Variants in UGCG observed in about 807,000 individuals in gnomAD.
The protein encoded by UGCG is ceramide glucosyltransferase.
A neutral mutation model predicts 49.5 loss-of-function variants in UGCG; 10 were observed. That is an observed-to-expected ratio of 0.20 (90% confidence interval 0.12 to 0.34). UGCG has a LOEUF of 0.34. Among genes scored for constraint, UGCG ranks in the 10% least tolerant of loss-of-function variants. The pLI, the probability that UGCG is intolerant of heterozygous loss-of-function variation, is 1.00. For missense variants in UGCG, 312 were observed against 483.7 expected (o/e 0.65, Z 3.33); for synonymous variants, 182 against 158.2 (o/e 1.15, Z -1.13).
chr9:111,918,115 C>G (rs1245257964), intron 2 of UGCG, among the ~76,000 whole-genome samples: 1 of 152,026 alleles, frequency 6.6e-6, no homozygotes, highest in Non-Finnish European at 1.5e-5. Context: ...AATCTCGGCT[C>G]ACTGCCACTT....
intron 2 of UGCG, among the ~76,000 whole-genome samples, chr9:111,916,574 G>T (rs761362165): frequency 2.0e-5 from 3 of 151,980 alleles, no homozygotes; most frequent in Non-Finnish European, 4.4e-5. Flanking sequence ...GGCTCAACCA[G>T]TCCTCCCACC....
At chr9:111,908,808 G>C (rs938336735) in intron 1 of UGCG, among the ~76,000 whole-genome samples, 1 of 152,148 alleles carries the variant, frequency 6.6e-6, no homozygotes, top group African/African-American at 2.4e-5. Context: ...GACACTAAAA[G>C]AAAAACTAGT....
At chr9:111,916,992 A>C (rs1374659450) in intron 2 of UGCG, among the ~76,000 whole-genome samples, 3 of 151,954 alleles carry the variant, frequency 2.0e-5, no homozygotes, top group African/African-American at 4.8e-5. Context: ...AAAAAATAAA[A>C]ATTAAAAAAT....
At chr9:111,907,474 A>G (rs961688010) in intron 1 of UGCG, among the ~76,000 whole-genome samples, 6 of 152,166 alleles carry the variant, frequency 3.9e-5, no homozygotes, top group African/African-American at 1.2e-4. Flanking sequence ...GTTTTAATTT[A>G]TTGATATTTC....
chr9:111,927,495 A>T (rs1838338092), intron 5 of UGCG, among the ~76,000 whole-genome samples: 1 of 151,314 alleles, frequency 6.6e-6, no homozygotes, highest in Non-Finnish European at 1.5e-5. Flanking sequence ...TCTGTCGCCC[A>T]GGCTGGAGTG....
chr9:111,908,925 A>T (rs1399197844), intron 1 of UGCG, among the ~76,000 whole-genome samples: 1 of 152,156 alleles, frequency 6.6e-6, no homozygotes, highest in Non-Finnish European at 1.5e-5. Flanking sequence ...GCAATTGATC[A>T]CAGTGCCCTC....
At chr9:111,906,360 T>A (rs1837882714) in intron 1 of UGCG, among the ~76,000 whole-genome samples, 1 of 152,170 alleles carries the variant, frequency 6.6e-6, no homozygotes, top group Non-Finnish European at 1.5e-5. Context: ...TTGGCTAAAC[T>A]CCTTGATTCT....
At chr9:111,922,151 A>T (rs1025262048) in intron 2 of UGCG, among the ~76,000 whole-genome samples, 1 of 152,076 alleles carries the variant, frequency 6.6e-6, no homozygotes, top group African/African-American at 2.4e-5. Flanking sequence ...GTGTTAAGAA[A>T]TGCCTTTCTT....
rs1231551611 is a variant in UGCG, at chr9:111,935,320, C to A, written c.*2323C>A. 6.6e-6 allele frequency: 1 copy of A among 151,992 alleles called. No homozygotes were observed. The highest frequency in any genetic ancestry group is 1.5e-5 in the Non-Finnish European group (1 of 67,994). 9.4% of individuals were successfully genotyped at this position (151,992 alleles called of 1,614,324 possible). On this transcript the variant is annotated 3_prime_UTR_variant, in exon 9 of 9. Transcript: ENST00000374279. ...TATACCATGTTTTATTATTTAAAATCATTGTCTTAAATTTTTGTTCAAAAA... is the reference window on the plus strand; with the variant it reads ...TATACCATGTTTTATTATTTAAAATAATTGTCTTAAATTTTTGTTCAAAAA...
At chr9:111,913,682 C>T (rs1288955722) in intron 1 of UGCG, among the ~76,000 whole-genome samples, 3 of 151,072 alleles carry the variant, frequency 2.0e-5, no homozygotes, top group Non-Finnish European at 4.4e-5. Flanking sequence ...TCAAGTGATC[C>T]ACCCGCCTCA....
intron 1 of UGCG, among the ~76,000 whole-genome samples, chr9:111,902,643 C>G (rs1213619445): frequency 6.6e-6 from 1 of 152,156 alleles, no homozygotes; most frequent in Non-Finnish European, 1.5e-5. Context: ...AAGATAAATT[C>G]CTAGAGTCAG....
At chr9:111,932,091 G>T in intron 7 of UGCG, 79 bp from the exon 8 acceptor site, 2 of 1,420,568 alleles carry the variant, frequency 1.4e-6, no homozygotes, top group South Asian at 1.3e-5. Flanking sequence ...TAAAAAAATT[G>T]ATTATTTGAG....
intron 3 of UGCG, 67 bp from the exon 4 acceptor site, chr9:111,924,710 A>G: frequency 1.3e-6 from 1 of 743,820 alleles, no homozygotes; most frequent in Non-Finnish European, 2.1e-6. Context: ...TCTATCATGT[A>G]TCTTTATACT....
chr9:111,917,413 C>T (rs1838130647), intron 2 of UGCG, among the ~76,000 whole-genome samples: 1 of 152,202 alleles, frequency 6.6e-6, no homozygotes, highest in Non-Finnish European at 1.5e-5. Flanking sequence ...GCATTTGTGT[C>T]ACCAAGAAGT....
chr9:111,897,674 T>C (rs1199381300), intron 1 of UGCG, among the ~76,000 whole-genome samples: 2 of 152,040 alleles, frequency 1.3e-5, no homozygotes, highest in Admixed American at 6.5e-5. Context: ...TCTCCCGACC[T>C]GGGCCACGTT....
At chr9:111,904,295 AATACTACTACAC>A (rs1368554777) in intron 1 of UGCG, among the ~76,000 whole-genome samples, 2 of 152,182 alleles carry the variant, frequency 1.3e-5, no homozygotes, top group African/African-American at 4.8e-5. Context: ...CATGTGGACT[AATACTACTACAC>A]ATTGGTAGTC....
chr9:111,901,596 G>A (rs369506565), intron 1 of UGCG, among the ~76,000 whole-genome samples: 22 of 152,148 alleles, frequency 1.4e-4, no homozygotes, highest in South Asian at 2.1e-4. Context: ...TTAATACCTC[G>A]GTGATGGGAT....
At chr9:111,897,942 C>A (rs1368412730) in intron 1 of UGCG, among the ~76,000 whole-genome samples, 2 of 149,230 alleles carry the variant, frequency 1.3e-5, no homozygotes, top group East Asian at 2.0e-4. Flanking sequence ...TTTGTACTCT[C>A]CCCGTGCCGG....
At chr9:111,907,394 A>G (rs1837907381) in intron 1 of UGCG, among the ~76,000 whole-genome samples, 1 of 152,348 alleles carries the variant, frequency 6.6e-6, no homozygotes, top group Non-Finnish European at 1.5e-5. Flanking sequence ...GAAAATCTGC[A>G]TATTCCAGAA....
Sources: gnomAD v4.1 joint callset for allele counts (sites outside exome capture counted in the v4.1 genomes callset) on GRCh38, gnomAD v4.1.1 for gene constraint, MANE v1.5 for transcripts, NCBI Gene and HGNC (gene_info 2026-07-23, HGNC 2026-07-21) for gene names.